TUT7: variants seen among roughly 807,000 people sequenced by gnomAD.
TUT7 encodes the protein terminal uridylyltransferase 7.
In TUT7, 33 loss-of-function variants were observed where a neutral mutation model predicts 165.9. The observed-to-expected ratio is 0.20, with a 90% CI of 0.15 to 0.27. The LOEUF (loss-of-function observed/expected upper bound fraction) is 0.27. Ranked by LOEUF, TUT7 falls within the 10% of genes least tolerant of loss-of-function variation. TUT7 has a pLI of 1.00. For synonymous variants in TUT7, 552 were observed against 608.1 expected (o/e 0.91, Z 1.36); for missense variants, 1,338 against 1,762.3 (o/e 0.76, Z 4.31).
In TUT7 at chr9:86,352,847, G is replaced by A; in HGVS notation, c.353C>T (p.Pro118Leu). The A allele has an allele frequency of 5.0e-6, 8 of 1,614,140 alleles. No individual in the cohort carries two copies. Among genetic ancestry groups the A allele is most frequent in the Non-Finnish European group, 5.9e-6 (7 of 1,180,016 alleles). The stretch of plus-strand genomic sequence containing the variant: ...GTTTATAACAGGAATTCTAGGTCCA[G>A]GTTTGAATTCTCTCCAGTTGTCTGA... ...GNSDNWREFK[P>L]GPRIPVINRQ... Residue 118 changes from proline (P) to leucine (L), a missense_variant, in exon 2 of 27, where the codon CCT (proline) becomes CTT (leucine). Around this residue, in one of 7 missense-constraint regions of TUT7, gnomAD observed 434 missense variants for 480.8 expected, o/e 0.90. Coordinates refer to ENST00000375963, the MANE Select transcript of TUT7 (RefSeq NM_024617.4).
At chr9:86,313,831 C>T (rs1828457968) in intron 17 of TUT7, among the ~76,000 whole-genome samples, 1 of 152,106 alleles carries the variant, frequency 6.6e-6, no homozygotes, top group Admixed American at 6.5e-5. Context: ...TCTGAGAGAG[C>T]TAAGTGGTGG....
rs1827997603 is a variant in TUT7, at chr9:86,311,023, A to T, written c.3275-214T>A. Among the ~76,000 whole-genome samples, 1 of 152,258 alleles carries T rather than the reference A, an allele frequency of 6.6e-6. No homozygotes were observed. Among genetic ancestry groups the T allele is most frequent in the Non-Finnish European group, 1.5e-5 (1 of 68,044 alleles). On this transcript the variant is annotated intron_variant, in intron 17 of 26. Coordinates refer to ENST00000375963, the MANE Select transcript of TUT7 (RefSeq NM_024617.4). This position sits in a 1 kb window ranked among gnomAD's most constrained non-coding sequence, Gnocchi z 4.4. ...TATTAAACATATTGATATTAGAACT[A>T]CAAGAATCAAACAGTCACTCCCCTC...
rs907974200 is a variant in TUT7, at chr9:86,311,579, T to G, written c.3275-770A>C. Among the ~76,000 whole-genome samples the G allele has an allele frequency of 7.3e-6, 1 of 136,320 alleles. No individual in the cohort carries two copies. The highest frequency in any genetic ancestry group is 1.6e-5 in the Non-Finnish European group (1 of 62,534). The allele number at this position is 136,320 out of a possible 152,430, so 89.4% of individuals were successfully genotyped here. ...TTATCCTTAGTCCTCTCCCTCTCCC[T>G]CTCCCCTCTTCCCTCTCCCCTCTCC... On this transcript the variant is annotated intron_variant, in intron 17 of 26. Coordinates refer to ENST00000375963, the MANE Select transcript of TUT7 (RefSeq NM_024617.4). This position sits in a 1 kb window ranked among gnomAD's most constrained non-coding sequence, Gnocchi z 4.4.
chr9:86,322,441 T>C lies in TUT7; in HGVS notation c.2912A>G (p.Glu971Gly). 6.2e-7 allele frequency: 1 copy of C among 1,614,040 alleles called. No homozygotes were observed. The change falls in exon 14 of 27, where the codon GAG becomes GGG. Residue 971 changes from glutamate to glycine, a missense_variant. By Grantham distance (98) the Glu-to-Gly change is moderately conservative. Around this residue, in one of 7 missense-constraint regions of TUT7, gnomAD observed 425 missense variants for 474.9 expected, o/e 0.89. Transcript: ENST00000375963. ...PTVVCSLCKR[E>G]GHLKKDCPED... ...AGGACAGTCCTTCTTTAGATGACCC[T>C]CTCGTTTGCATAAGCTGCACACTAC...
At chr9:86,337,394 T>C (rs200722322) in intron 10 of TUT7, 25 bp downstream of exon 10, 2 of 1,597,066 alleles carry the variant, frequency 1.3e-6, no homozygotes, top group East Asian at 2.2e-5. Context: ...TGTTCAGATA[T>C]ATAAGCAAAA....
chr9:86,327,355 T>C (rs1448761058), intron 11 of TUT7, among the ~76,000 whole-genome samples: 1 of 152,190 alleles, frequency 6.6e-6, no homozygotes, highest in Non-Finnish European at 1.5e-5. Flanking sequence ...GCAGCTAACA[T>C]TTACTGAGTG....
chr9:86,290,538 C>A (rs537889869), intron 26 of TUT7, among the ~76,000 whole-genome samples: 1 of 152,170 alleles, frequency 6.6e-6, no homozygotes, highest in South Asian at 2.1e-4. Context: ...GTGAACTGCA[C>A]AAAGTATGGA....
intron 26 of TUT7, among the ~76,000 whole-genome samples, chr9:86,294,144 C>A (rs543437614): frequency 6.6e-6 from 1 of 152,272 alleles, no homozygotes; most frequent in East Asian, 1.9e-4. Context: ...GTGGTCAAGG[C>A]TTAGGCTGGT....
intron 6 of TUT7, among the ~76,000 whole-genome samples, chr9:86,342,196 G>A (rs1338046875): frequency 6.6e-6 from 1 of 152,098 alleles, no homozygotes; most frequent in Non-Finnish European, 1.5e-5. Flanking sequence ...AGGTGGGGCT[G>A]GCCAGGCTGT....
Position 86,301,609 on chromosome 9 carries a change from A to T in TUT7, c.4095-8T>A. Reference sequence around the variant, plus strand: ...TCTCGCCGCCGTCTTACTCTGTAGAAGATATCATATTAGTAGCAAAAATCT... The same window carrying T: ...TCTCGCCGCCGTCTTACTCTGTAGATGATATCATATTAGTAGCAAAAATCT... On this transcript the variant is annotated splice_polypyrimidine_tract_variant and splice_region_variant and intron_variant, in intron 25 of 26. Coordinates refer to ENST00000375963, the MANE Select transcript of TUT7 (RefSeq NM_024617.4). The T allele has an allele frequency of 6.3e-7, 1 of 1,599,014 alleles. No individual in the cohort carries two copies. The highest frequency in any genetic ancestry group is 8.5e-7 in the Non-Finnish European group (1 of 1,175,670).
At chr9:86,338,997 T>G in intron 8 of TUT7, 48 bp from the exon 9 acceptor site, 1 of 1,495,010 alleles carries the variant, frequency 6.7e-7, no homozygotes, top group African/African-American at 1.4e-5. Flanking sequence ...AAGAAAAAAG[T>G]GTTACACAGG....
chr9:86,323,200 G>A lies in TUT7; in HGVS notation c.2550C>T (p.Asp850=), dbSNP rs749977787. 94 of 1,613,760 alleles carry A rather than the reference G, an allele frequency of 5.8e-5. No individual in the cohort carries two copies. Among genetic ancestry groups the A allele is most frequent in the Middle Eastern group, 3.3e-4 (2 of 6,082 alleles). Residue 850 remains aspartate (D), a synonymous_variant, in exon 13 of 27, where the codon GAC becomes GAT. Transcript: ENST00000375963. ...EMIPSDEEEE[D]DEEEEEEEEP... ...CTTCTTCCTCCTCCTCTTCTTCGTC[G>A]TCCTCCTCCTCTTCATCAGAGGGAA...
rs1827822615 is a variant in TUT7 at position 86,309,442 on chromosome 9, T to A, written c.3582+21A>T. 1.3e-6 allele frequency: 2 copies of A among 1,581,960 alleles called. 1 individual carries two copies. Among genetic ancestry groups the A allele is most frequent in the South Asian group, 2.3e-5 (2 of 88,034 alleles). ...GATCACCAGTTTTCCAGATAAGAAA[T>A]ACAATTTCATTCACTAATACCTCTT... On this transcript the variant is annotated intron_variant, in intron 20 of 26. Coordinates refer to ENST00000375963, the MANE Select transcript of TUT7 (RefSeq NM_024617.4).
chr9:86,323,957 G>T lies in TUT7; in HGVS notation c.1793C>A (p.Pro598His). The T allele has an allele frequency of 6.5e-7, 1 of 1,536,338 alleles. No individual in the cohort carries two copies. The highest frequency in any genetic ancestry group is 2.3e-5 in the East Asian group (1 of 44,198). ...TGCCACATTTCTTTTAACAGAGTAG[G>T]GATCTGTAATAAAAAAAAGAAAGAA... is the stretch of plus-strand genomic sequence containing the variant. ...WPKKRIAIED[P>H]YSVKRNVART... The change falls in exon 13 of 27, where the codon CCC (proline) becomes CAC (histidine). Residue 598 changes from proline to histidine, a missense_variant. This residue lies in a region of TUT7 where 28 missense variants were observed against 69.4 expected (regional missense o/e 0.40). Transcript: ENST00000375963.
At chr9:86,318,126 A>G (rs983972884) in intron 16 of TUT7, among the ~76,000 whole-genome samples, 8 of 152,220 alleles carry the variant, frequency 5.3e-5, no homozygotes, top group African/African-American at 1.9e-4. Context: ...AGCATCATTC[A>G]TTTGGATATT....
chr9:86,310,832 A>G, intron 17 of TUT7, 23 bp from the exon 18 acceptor site: 1 of 1,327,474 alleles, frequency 7.5e-7, no homozygotes, highest in Non-Finnish European at 1.1e-6. Context: ...ATAAAATGTT[A>G]TCATTAAATA....
At chr9:86,294,636 A>G (rs1242773500) in intron 26 of TUT7, among the ~76,000 whole-genome samples, 1 of 151,900 alleles carries the variant, frequency 6.6e-6, no homozygotes, top group East Asian at 1.9e-4. Flanking sequence ...CGCAGTAAAT[A>G]ATGTCGACCC....
intron 10 of TUT7, among the ~76,000 whole-genome samples, chr9:86,335,514 A>C (rs940866915): frequency 5.9e-4 from 90 of 152,172 alleles, no homozygotes; most frequent in Non-Finnish European, 5.9e-5. Context: ...GAAAAGACAG[A>C]TCAGAGAACA....
chr9:86,299,006 G>A (rs995121976), intron 26 of TUT7, among the ~76,000 whole-genome samples: 8 of 152,114 alleles, frequency 5.3e-5, no homozygotes, highest in African/African-American at 9.7e-5. Context: ...CCCGCCATCC[G>A]GTGCCCAGTA....
Sources: allele counts gnomAD v4.1 joint callset (sites outside exome capture counted in the v4.1 genomes callset), GRCh38; gene constraint gnomAD v4.1.1; regional missense constraint gnomAD v4.1.1; non-coding constraint Gnocchi (gnomAD v3.1); transcripts MANE v1.5; gene names NCBI Gene and HGNC (gene_info 2026-07-23, HGNC 2026-07-21).